The following COL5A1 variants were observed in gnomAD, a reference collection of about 807,000 sequenced individuals.
COL5A1 encodes collagen alpha-1(V) chain.
A neutral mutation model predicts 263.7 loss-of-function variants in COL5A1; 16 were observed. The ratio of observed to expected loss-of-function variants is 0.06; its 90% CI spans 0.04 to 0.09. The LOEUF is 0.09. COL5A1 is among the 10% of genes least tolerant of loss of function. The pLI, the probability that COL5A1 is intolerant of heterozygous loss-of-function variation, is 1.00. For synonymous variants in COL5A1, 1,012 were observed against 1,004.5 expected (o/e 1.01, Z -0.14); for missense variants, 2,036 against 2,540.5 (o/e 0.80, Z 4.27).
chr9:134,810,021 A>G (rs1838457185), intron 43 of COL5A1, among the ~76,000 whole-genome samples: 1 of 152,256 alleles, frequency 6.6e-6, no homozygotes, highest in Non-Finnish European at 1.5e-5. Flanking sequence ...CTTTTCCCAC[A>G]TCTTCAAGTC....
intron 6 of COL5A1, among the ~76,000 whole-genome samples, chr9:134,729,511 TGA>T (rs373115489): frequency 5.6e-3 from 720 of 129,508 alleles, no homozygotes; most frequent in East Asian, 0.033. Context: ...TGCGTGTGTG[TGA>T]GAGTGTGTGT....
intron 8 of COL5A1, 21 bp downstream of exon 8, chr9:134,731,684 G>A (rs767222149): frequency 5.6e-6 from 9 of 1,600,106 alleles, no homozygotes; most frequent in East Asian, 2.2e-5. Flanking sequence ...GCAGGCCCCC[G>A]TTCCGGGTGG....
intron 1 of COL5A1, among the ~76,000 whole-genome samples, chr9:134,685,426 C>T (rs1833014246): frequency 1.0e-3 from 5 of 4,958 alleles, no homozygotes; most frequent in Non-Finnish European, 1.8e-3. Context: ...ATCCATCCAT[C>T]CATCCATCCA....
At chr9:134,786,324 T>TG (rs1837457156) in intron 31 of COL5A1, among the ~76,000 whole-genome samples, 1 of 152,190 alleles carries the variant, frequency 6.6e-6, no homozygotes, top group Admixed American at 6.5e-5. Flanking sequence ...TCCCCATCCT[T>TG]GGGGGCGTGT....
At chr9:134,762,850 GCTT>G (rs1305961795) in intron 19 of COL5A1, among the ~76,000 whole-genome samples, 1 of 151,718 alleles carries the variant, frequency 6.6e-6, no homozygotes, top group Non-Finnish European at 1.5e-5. Flanking sequence ...AGATGTCAGT[GCTT>G]CTTGATTGAG....
At chr9:134,715,565 G>T (rs879007097) in intron 4 of COL5A1, among the ~76,000 whole-genome samples, 1 of 152,120 alleles carries the variant, frequency 6.6e-6, no homozygotes, top group African/African-American at 2.4e-5. Context: ...GACAATACCT[G>T]GCCTTCCTAG....
At chr9:134,753,699 T>C (rs1386506215) in intron 14 of COL5A1, 151 bp from the exon 15 acceptor site, 2 of 666,122 alleles carry the variant, frequency 3.0e-6, no homozygotes, top group South Asian at 3.2e-5. Context: ...CCCCCGGTTC[T>C]GTTCGAGGCA....
chr9:134,699,860 G>A, intron 2 of COL5A1, 49 bp from the exon 3 acceptor site: 2 of 1,576,410 alleles, frequency 1.3e-6, no homozygotes, highest in Non-Finnish European at 8.7e-7. Context: ...GGCTGGGTGT[G>A]GTTGCAGGGG....
chr9:134,730,204 T>G, intron 6 of COL5A1, 32 bp from the exon 7 acceptor site: 5 of 1,610,874 alleles, frequency 3.1e-6, no homozygotes, highest in Non-Finnish European at 4.2e-6. Context: ...GCCTCCGCCC[T>G]GACTCCAGCT....
At chr9:134,708,686 G>C (rs756651049) in intron 4 of COL5A1, 2 of 518,184 alleles carry the variant, frequency 3.9e-6, no homozygotes, top group Non-Finnish European at 7.7e-6. Flanking sequence ...GCTTTGCTGA[G>C]ACCTCCTCTT....
intron 1 of COL5A1, among the ~76,000 whole-genome samples, chr9:134,645,192 G>T (rs1831436407): frequency 6.6e-6 from 1 of 152,200 alleles, no homozygotes; most frequent in African/African-American, 2.4e-5. Flanking sequence ...GTTACTCCTG[G>T]GCTGCTCCTG....
chr9:134,782,423 T>C, intron 28 of COL5A1: 1 of 603,982 alleles, frequency 1.7e-6, no homozygotes. Flanking sequence ...AGATTCAAAC[T>C]GGGCCTGCCC....
At chr9:134,747,542 C>CAT (rs34876279) in intron 11 of COL5A1, among the ~76,000 whole-genome samples, 97,763 of 151,838 alleles carry the variant, frequency 0.64, 32,882 homozygotes, top group African/African-American at 0.84. Context: ...CATCCACACA[C>CAT]ACCTGCATAT....
chr9:134,733,510 G>T lies in COL5A1; in HGVS notation c.1389+1383G>T, dbSNP rs201752105. 2.6e-5 allele frequency among the ~76,000 whole-genome samples: 4 copies of T among 152,224 alleles called. No individual in the cohort carries two copies. In the South Asian group the frequency reaches 8.3e-4, roughly 32 times the overall value. ...ACCCCCTTTCCAGTGCTCTCTGGGG[G>T]TCCAGGGAAGACAGAGCTTGTCTGA... On this transcript the variant is annotated intron_variant, in intron 9 of 65. Coordinates refer to ENST00000371817, the MANE Select transcript of COL5A1 (RefSeq NM_000093.5).
Position 134,829,868 on chromosome 9 carries a change from G to A in COL5A1, c.5068-108G>A, listed in dbSNP as rs529088937. The stretch of plus-strand genomic sequence containing the variant: ...CCTCCCTGCAGCCCCCCCGGCGTGA[G>A]GATGCAGGCGCGGGGGCCGGGAAAG... On this transcript the variant is annotated intron_variant, in intron 63 of 65. Coordinates refer to ENST00000371817, the MANE Select transcript of COL5A1 (RefSeq NM_000093.5). 156 of 1,253,734 alleles carry A rather than the reference G, an allele frequency of 1.2e-4. No homozygotes were observed. In the African/African-American group the frequency reaches 2.2e-3, roughly 18 times the overall value. The allele number at this position is 1,253,734 out of a possible 1,614,324, so 77.7% of individuals were successfully genotyped here. A position where few individuals can be genotyped will look rare whatever the true frequency, so the allele number is the denominator to read the frequency against.
intron 18 of COL5A1, among the ~76,000 whole-genome samples, chr9:134,760,318 G>GCA (rs1836308592): frequency 2.3e-5 from 1 of 43,042 alleles, no homozygotes; most frequent in African/African-American, 1.2e-4. Context: ...ATACACACAT[G>GCA]CACACACCAC....
rs913974738 is a variant in COL5A1 at position 134,842,447 on chromosome 9, C to T, written c.*144C>T. 2.3e-5 allele frequency: 23 copies of T among 1,010,900 alleles called. No homozygotes were observed. Among genetic ancestry groups the T allele is most frequent in the African/African-American group, 1.1e-4 (7 of 62,982 alleles). The allele number at this position is 1,010,900 out of a possible 1,614,324, so 62.6% of individuals were successfully genotyped here. ...TGACTTCATCTACGCCTCGGCACCA[C>T]GGGGTGTGGGACCCCAGCCCGGAGA... On this transcript the variant is annotated 3_prime_UTR_variant, in exon 66 of 66. Transcript: ENST00000371817. The surrounding 1 kb of genome is among the most constrained non-coding windows in gnomAD (Gnocchi z 5.8).
intron 26 of COL5A1, among the ~76,000 whole-genome samples, chr9:134,773,090 G>A (rs1836921198): frequency 6.6e-6 from 1 of 152,232 alleles, no homozygotes; most frequent in Admixed American, 6.5e-5. Context: ...CGGATCGGGT[G>A]CCCATGACCA....
At position 134,676,987 on chromosome 9, in the gene COL5A1, G is replaced by A. The variant is rs1564380457; in HGVS notation, c.110-13925G>A. On this transcript the variant is annotated intron_variant, in intron 1 of 65. Coordinates refer to ENST00000371817, the MANE Select transcript of COL5A1 (RefSeq NM_000093.5). ...TTGTCCCTTCCCTAAAGGAGCTCACGGTCTGGGAAATAGCAAGTCCCTTGG... is the reference window on the plus strand; with the variant it reads ...TTGTCCCTTCCCTAAAGGAGCTCACAGTCTGGGAAATAGCAAGTCCCTTGG... Among the ~76,000 whole-genome samples, 4 of 152,150 alleles carry A rather than the reference G, an allele frequency of 2.6e-5. No homozygotes were observed. In the South Asian group the frequency reaches 6.2e-4, roughly 24 times the overall value.
Sources: gnomAD v4.1 joint callset for allele counts (sites outside exome capture counted in the v4.1 genomes callset) on GRCh38, gnomAD v4.1.1 for gene constraint, Gnocchi (gnomAD v3.1) non-coding constraint, MANE v1.5 for transcripts, NCBI Gene and HGNC (gene_info 2026-07-23, HGNC 2026-07-21) for gene names.